The following IFT43 variants were observed in gnomAD, a reference collection of about 807,000 sequenced individuals.
IFT43 encodes the protein intraflagellar transport protein 43 homolog.
IFT43 carries 33 observed loss-of-function variants against 32.3 expected under a neutral mutation model. The ratio of observed to expected loss-of-function variants is 1.02; its 90% confidence interval spans 0.77 to 1.37. The LOEUF (loss-of-function observed/expected upper bound fraction) is 1.37. IFT43 is among the 40% of genes most tolerant of loss of function. The probability of loss-of-function intolerance (pLI) is 0.00; values close to 1 mark genes in which losing one functional copy is unlikely to be tolerated. For missense variants in IFT43, 274 were observed against 265.9 expected (o/e 1.03, Z -0.21); for synonymous variants, 93 against 98.2 (o/e 0.95, Z 0.31).
intron 3 of IFT43, among the ~76,000 whole-genome samples, chr14:76,038,448 A>G (rs1042748545): frequency 6.6e-6 from 1 of 152,210 alleles, no homozygotes; most frequent in Non-Finnish European, 1.5e-5. Context: ...ATGTGACATC[A>G]TATCTTTTTA....
intron 3 of IFT43, among the ~76,000 whole-genome samples, chr14:76,037,298 G>A (rs898356526): frequency 6.6e-6 from 1 of 152,152 alleles, no homozygotes; most frequent in Admixed American, 6.5e-5. Flanking sequence ...ACAGGTGTCC[G>A]GTCATTCCAC....
chr14:76,075,350 T>G (rs2037394040), intron 5 of IFT43, among the ~76,000 whole-genome samples: 1 of 152,222 alleles, frequency 6.6e-6, no homozygotes, highest in African/African-American at 2.4e-5. Context: ...GACGTGTTTG[T>G]GCCCCTTTTC....
chr14:76,048,829 C>T (rs1029324485), intron 3 of IFT43, among the ~76,000 whole-genome samples: 4 of 152,192 alleles, frequency 2.6e-5, no homozygotes, highest in African/African-American at 9.7e-5. Flanking sequence ...CCAGGGTGGG[C>T]CCTGAGCCTC....
intron 2 of IFT43, among the ~76,000 whole-genome samples, chr14:75,999,255 A>G (rs1192652866): frequency 3.5e-3 from 37 of 10,510 alleles, no homozygotes; most frequent in African/African-American, 2.3e-3. Context: ...ATATATATAT[A>G]TATATATATA....
intron 5 of IFT43, among the ~76,000 whole-genome samples, chr14:76,081,826 G>A (rs2037514952): frequency 6.6e-6 from 1 of 152,198 alleles, no homozygotes; most frequent in Non-Finnish European, 1.5e-5. Context: ...TGCACATAGA[G>A]ATCTGGGTCA....
At chr14:76,014,737 A>G (rs925247738) in intron 2 of IFT43, among the ~76,000 whole-genome samples, 1 of 152,134 alleles carries the variant, frequency 6.6e-6, no homozygotes, top group Non-Finnish European at 1.5e-5. Flanking sequence ...AGCCTTATGC[A>G]TGCTTATCAG....
At chr14:76,050,885 A>G (rs1280825014) in intron 3 of IFT43, among the ~76,000 whole-genome samples, 8 of 152,206 alleles carry the variant, frequency 5.3e-5, no homozygotes, top group Non-Finnish European at 1.2e-4. Context: ...TACATTTTAT[A>G]TGTTCCCATA....
intron 3 of IFT43, among the ~76,000 whole-genome samples, chr14:76,025,990 A>G (rs1314250284): frequency 6.6e-6 from 1 of 152,224 alleles, no homozygotes; most frequent in African/African-American, 2.4e-5. Flanking sequence ...AGCAAAGGAA[A>G]CTGTCAACAG....
At chr14:75,999,382 G>A (rs1161716231) in intron 2 of IFT43, among the ~76,000 whole-genome samples, 1 of 145,612 alleles carries the variant, frequency 6.9e-6, no homozygotes, top group East Asian at 2.0e-4. Flanking sequence ...CCTACCTCGG[G>A]CTCCCAAAGT....
chr14:76,081,125 A>T (rs997409892), intron 5 of IFT43, among the ~76,000 whole-genome samples: 1 of 152,242 alleles, frequency 6.6e-6, no homozygotes, highest in African/African-American at 2.4e-5. Context: ...CAGGCTTGGA[A>T]CTGACATTTC....
At chr14:76,076,545 G>T (rs966670273) in intron 5 of IFT43, 1 of 1,610,514 alleles carries the variant, frequency 6.2e-7, no homozygotes, top group Middle Eastern at 1.7e-4. Context: ...TAGTGCTTGG[G>T]GTATACTCAT....
At chr14:76,066,837 A>G (rs1387343598) in intron 5 of IFT43, among the ~76,000 whole-genome samples, 2 of 152,232 alleles carry the variant, frequency 1.3e-5, no homozygotes, top group Non-Finnish European at 2.9e-5. Flanking sequence ...TGAATATTAA[A>G]GAATAGAAAT....
chr14:76,067,427 G>A lies in IFT43; in HGVS notation c.295+8054G>A, dbSNP rs550046805. 1.8e-3 allele frequency among the ~76,000 whole-genome samples: 274 copies of A among 152,066 alleles called. 1 individual carries two copies. The highest frequency in any genetic ancestry group is 6.0e-3 in the African/African-American group (248 of 41,480). On this transcript the variant is annotated intron_variant, in intron 5 of 8. Coordinates refer to ENST00000314067, the MANE Select transcript of IFT43 (RefSeq NM_001102564.3). The stretch of plus-strand genomic sequence containing the variant: ...CTAAAAATTAAAAAAAAAATTAGTC[G>A]TGTGTGGTGGTGCACGCCTGTAATC...
chr14:76,046,169 G>A lies in IFT43; in HGVS notation c.216-12473G>A, dbSNP rs2036804069. 2.6e-5 allele frequency among the ~76,000 whole-genome samples: 4 copies of A among 152,282 alleles called. No individual in the cohort carries two copies. The East Asian group carries it at 5.8e-4, about 22-fold the overall frequency. On this transcript the variant is annotated intron_variant, in intron 3 of 8. Coordinates refer to ENST00000314067, the MANE Select transcript of IFT43 (RefSeq NM_001102564.3). The stretch of plus-strand genomic sequence containing the variant: ...CAGAAGTGACTGAAATGAAGAAAGG[G>A]AACCAAGAGGCAGAAAAAGTAAAGC...
intron 1 of IFT43, among the ~76,000 whole-genome samples, chr14:75,987,804 T>G (rs2035558547): frequency 6.6e-6 from 1 of 152,226 alleles, no homozygotes; most frequent in African/African-American, 2.4e-5. Flanking sequence ...ATGATTCATT[T>G]GATGGCCAAG....
intron 2 of IFT43, among the ~76,000 whole-genome samples, chr14:76,003,645 A>T (rs1473871407): frequency 6.6e-6 from 1 of 151,330 alleles, no homozygotes; most frequent in Non-Finnish European, 1.5e-5. Flanking sequence ...AAAAAAAATT[A>T]TGCCACTTCA....
intron 2 of IFT43, among the ~76,000 whole-genome samples, chr14:76,017,141 T>C (rs769608245): frequency 4.6e-5 from 7 of 152,196 alleles, no homozygotes; most frequent in Non-Finnish European, 1.0e-4. Flanking sequence ...AGGAAAAATG[T>C]TCAGCTTTTC....
At chr14:76,019,977 G>A (rs1208314027) in intron 2 of IFT43, among the ~76,000 whole-genome samples, 1 of 150,816 alleles carries the variant, frequency 6.6e-6, no homozygotes, top group Non-Finnish European at 1.5e-5. Flanking sequence ...TGATTTGTTT[G>A]TACTCTTTTT....
chr14:76,040,075 C>T (rs940444560), intron 3 of IFT43, among the ~76,000 whole-genome samples: 1 of 152,182 alleles, frequency 6.6e-6, no homozygotes, highest in African/African-American at 2.4e-5. Flanking sequence ...ATCTCAGCCT[C>T]TTGAGTAGCT....
Sources: gnomAD v4.1 joint callset for allele counts (sites outside exome capture counted in the v4.1 genomes callset) on GRCh38, gnomAD v4.1.1 for gene constraint, MANE v1.5 for transcripts, NCBI Gene and HGNC (gene_info 2026-07-23, HGNC 2026-07-21) for gene names.